The following CNTN4 variants were observed in gnomAD, a reference collection of about 807,000 sequenced individuals.
The protein encoded by CNTN4 is contactin 4, also known as contactin-4.
Under a neutral mutation model 122.5 loss-of-function variants are expected in CNTN4, and 77 were observed. That is an observed-to-expected ratio of 0.63 (90% CI 0.52 to 0.76). The LOEUF (loss-of-function observed/expected upper bound fraction) is 0.76. Ranked by LOEUF, CNTN4 falls within the 30% of genes least tolerant of loss-of-function variation. The probability of loss-of-function intolerance (pLI) is 0.00; values close to 1 mark genes in which losing one functional copy is unlikely to be tolerated. For synonymous variants in CNTN4, 512 were observed against 447.0 expected (o/e 1.15, Z -1.83); for missense variants, 1,256 against 1,259.1 (o/e 1.00, Z 0.04).
chr3:2,386,324 G>C (rs1313196310), intron 3 of CNTN4, among the ~76,000 whole-genome samples: 1 of 152,076 alleles, frequency 6.6e-6, no homozygotes, highest in African/African-American at 2.4e-5. Context: ...ATGGCCAGGT[G>C]GTAAAGTTGC....
chr3:2,893,965 T>A (rs938847519), intron 10 of CNTN4, among the ~76,000 whole-genome samples: 2 of 152,176 alleles, frequency 1.3e-5, no homozygotes. Context: ...TGCCATATAA[T>A]TAATTTAAAT....
chr3:2,215,515 T>A (rs2038798022), intron 2 of CNTN4, among the ~76,000 whole-genome samples: 1 of 152,224 alleles, frequency 6.6e-6, no homozygotes, highest in Non-Finnish European at 1.5e-5. Context: ...AGGGTACGTG[T>A]GTCAACTTTA....
At chr3:2,710,356 T>TTAACTGTGCA (rs2087063416) in intron 4 of CNTN4, among the ~76,000 whole-genome samples, 1 of 152,212 alleles carries the variant, frequency 6.6e-6, no homozygotes, top group Admixed American at 6.5e-5. Flanking sequence ...AGGAATAATA[T>TTAACTGTGCA]TAACTGTGCA....
At chr3:2,820,586 C>T (rs1048842197) in intron 7 of CNTN4, among the ~76,000 whole-genome samples, 3 of 152,072 alleles carry the variant, frequency 2.0e-5, no homozygotes, top group Non-Finnish European at 4.4e-5. Context: ...GCTGAAAGTT[C>T]CAACCCTTTA....
chr3:2,535,609 GC>G (rs1338948366), intron 3 of CNTN4, among the ~76,000 whole-genome samples: 1 of 152,034 alleles, frequency 6.6e-6, no homozygotes, highest in Non-Finnish European at 1.5e-5. Flanking sequence ...GCTTGGACTA[GC>G]CCTTTCATGA....
intron 4 of CNTN4, among the ~76,000 whole-genome samples, chr3:2,625,944 A>G (rs1014078334): frequency 6.6e-6 from 1 of 152,134 alleles, no homozygotes; most frequent in Non-Finnish European, 1.5e-5. Context: ...GTTCTTTCAC[A>G]TTCTGGACAA....
At chr3:2,739,437 TA>T (rs1231045634) in intron 5 of CNTN4, among the ~76,000 whole-genome samples, 1 of 152,186 alleles carries the variant, frequency 6.6e-6, no homozygotes, top group Non-Finnish European at 1.5e-5. Flanking sequence ...GGTAACCTCA[TA>T]CAGTAGTAAA....
intron 6 of CNTN4, among the ~76,000 whole-genome samples, chr3:2,782,465 CTGTGTGTGTGTG>C (rs137927481): frequency 0.013 from 1,688 of 133,270 alleles, 12 homozygotes; most frequent in African/African-American, 0.023. Flanking sequence ...CCTTCTTATT[CTGTGTGTGTGTG>C]TGTGTGTGTG....
intron 4 of CNTN4, among the ~76,000 whole-genome samples, chr3:2,673,692 C>G (rs906363976): frequency 2.6e-5 from 4 of 152,126 alleles, no homozygotes; most frequent in Admixed American, 2.6e-4. Flanking sequence ...AGGTGCCCAC[C>G]ACCACGCCCG....
intron 2 of CNTN4, among the ~76,000 whole-genome samples, chr3:2,303,340 C>T (rs1003308698): frequency 2.6e-5 from 4 of 151,918 alleles, no homozygotes; most frequent in African/African-American, 4.8e-5. Flanking sequence ...ATCACCCCTG[C>T]CCCCCAAAAT....
At position 2,916,404 on chromosome 3, in the gene CNTN4, G is replaced by C. The variant is rs532943915; in HGVS notation, c.1208-9225G>C. The stretch of plus-strand genomic sequence containing the variant: ...TTGAGATTAGGGAGTGGTGATGACT[G>C]TTAAGGAGCATGCTGCCTTCAAGCA... On this transcript the variant is annotated intron_variant, in intron 12 of 24. Coordinates refer to ENST00000418658, the MANE Select transcript of CNTN4 (RefSeq NM_175607.3). 6.9e-3 allele frequency among the ~76,000 whole-genome samples: 1,020 copies of C among 148,866 alleles called. 6 individuals are homozygous for C. Among genetic ancestry groups the C allele is most frequent in the Non-Finnish European group, 0.011 (760 of 67,446 alleles).
At chr3:2,404,687 A>C (rs1271747844) in intron 3 of CNTN4, among the ~76,000 whole-genome samples, 1 of 152,198 alleles carries the variant, frequency 6.6e-6, no homozygotes, top group African/African-American at 2.4e-5. Flanking sequence ...TTCCATCTGC[A>C]AAGTCCCTTC....
intron 3 of CNTN4, among the ~76,000 whole-genome samples, chr3:2,548,589 A>G (rs1199815020): frequency 1.3e-5 from 2 of 152,056 alleles, no homozygotes; most frequent in African/African-American, 4.8e-5. Flanking sequence ...CTTGTAGTAT[A>G]CTTTGAAGTC....
At chr3:2,898,018 C>G (rs1441630690) in intron 10 of CNTN4, among the ~76,000 whole-genome samples, 1 of 152,112 alleles carries the variant, frequency 6.6e-6, no homozygotes, top group Non-Finnish European at 1.5e-5. Context: ...AGGTAACCCC[C>G]CCCAAATATG....
chr3:2,730,168 A>G (rs1328671581), intron 4 of CNTN4, among the ~76,000 whole-genome samples: 1 of 152,150 alleles, frequency 6.6e-6, no homozygotes. Flanking sequence ...GCATATATAT[A>G]ATGAGATATC....
intron 3 of CNTN4, among the ~76,000 whole-genome samples, chr3:2,387,221 T>A (rs1351726207): frequency 6.6e-6 from 1 of 152,194 alleles, no homozygotes; most frequent in African/African-American, 2.4e-5. Flanking sequence ...ACACAGTCTA[T>A]TTTGCTGTAT....
At chr3:2,876,796 C>A (rs1387728586) in intron 8 of CNTN4, among the ~76,000 whole-genome samples, 3 of 152,330 alleles carry the variant, frequency 2.0e-5, no homozygotes, top group South Asian at 2.1e-4. Flanking sequence ...AGAGTCCAGA[C>A]TCTGGATGGA....
chr3:2,913,924 C>G (rs1234046570), intron 12 of CNTN4, among the ~76,000 whole-genome samples: 1 of 152,122 alleles, frequency 6.6e-6, no homozygotes, highest in Non-Finnish European at 1.5e-5. Flanking sequence ...TAAGTTTTAA[C>G]AGATTTAAGA....
rs576377327 is a variant in CNTN4 at position 2,320,564 on chromosome 3, T to A, written c.-144-18614T>A. Among the ~76,000 whole-genome samples the A allele has an allele frequency of 4.9e-4, 75 of 152,266 alleles. 1 individual carries two copies. The highest frequency in any genetic ancestry group is 1.7e-3 in the African/African-American group (72 of 41,572). ...GACCTTCATAATGTAACTTTATTGG[T>A]ATAGTTAAGGTTAATGGCACATTAA... On this transcript the variant is annotated intron_variant, in intron 2 of 24. Transcript: ENST00000418658.
Sources: allele counts gnomAD v4.1 joint callset (sites outside exome capture counted in the v4.1 genomes callset), GRCh38; gene constraint gnomAD v4.1.1; transcripts MANE v1.5; gene names NCBI Gene and HGNC (gene_info 2026-07-23, HGNC 2026-07-21).